The following ATP8A1 variants were observed in gnomAD, a reference collection of about 807,000 sequenced individuals.
The protein encoded by ATP8A1 is phospholipid-transporting ATPase IA.
ATP8A1 carries 90 observed loss-of-function variants against 177.7 expected under a neutral mutation model. The ratio of observed to expected loss-of-function variants is 0.51; its 90% CI spans 0.43 to 0.60. The LOEUF is 0.60. ATP8A1 is among the 20% of genes least tolerant of loss of function. The pLI, the probability that ATP8A1 is intolerant of heterozygous loss-of-function variation, is 0.00. For synonymous variants in ATP8A1, 493 were observed against 485.9 expected (o/e 1.01, Z -0.19); for missense variants, 1,072 against 1,392.8 (o/e 0.77, Z 3.67).
chr4:42,590,882 C>T lies in ATP8A1; in HGVS notation c.453G>A (p.Val151=), dbSNP rs774009159. The change falls in exon 7 of 37, where the codon GTG becomes GTA. Residue 151 remains valine, a splice_region_variant and synonymous_variant. Transcript: ENST00000381668. Reference sequence around the variant, plus strand: ...TCACTTTCACTATCTCCCCTACTGCCACCTACACGTCCCAGTATAAAATAA... The same window carrying T: ...TCACTTTCACTATCTCCCCTACTGCTACCTACACGTCCCAGTATAAAATAA... ...GAWEIVHWEK[V]AVGEIVKVTN... 2.5e-6 allele frequency: 4 copies of T among 1,607,736 alleles called. No homozygotes were observed. The Admixed American group carries it at 5.1e-5, about 20-fold the overall frequency.
rs754102548 is a variant in ATP8A1 at position 42,431,117 on chromosome 4, A to G, written c.3124-7412T>C. ...CCAGAAACTAGAATAGCGCTTTGAC[A>G]TATATTTGTTGAAATATATTATTGA... is the stretch of plus-strand genomic sequence containing the variant. On this transcript the variant is annotated intron_variant, in intron 33 of 36. Transcript: ENST00000381668. Among the ~76,000 whole-genome samples the G allele has an allele frequency of 2.0e-3, 305 of 152,366 alleles. 1 individual carries two copies. Among genetic ancestry groups the G allele is most frequent in the Non-Finnish European group, 2.0e-3 (136 of 68,034 alleles).
At chr4:42,551,481 A>T (rs192101671) in intron 17 of ATP8A1, among the ~76,000 whole-genome samples, 1 of 152,362 alleles carries the variant, frequency 6.6e-6, no homozygotes, top group East Asian at 1.9e-4. Flanking sequence ...TTGGAGACAC[A>T]TACAGAACTC....
At chr4:42,512,696 T>C (rs1352559438) in intron 22 of ATP8A1, among the ~76,000 whole-genome samples, 1 of 152,210 alleles carries the variant, frequency 6.6e-6, no homozygotes, top group African/African-American at 2.4e-5. Context: ...GCCAGAAATC[T>C]AGATGGTGCT....
intron 1 of ATP8A1, among the ~76,000 whole-genome samples, chr4:42,636,125 CA>C (rs1739316628): frequency 1.0e-4 from 3 of 29,474 alleles, no homozygotes; most frequent in Non-Finnish European, 2.4e-4. Context: ...TTAATACACA[CA>C]CACACACACA....
In ATP8A1 at chr4:42,586,488, T is replaced by A. The variant is rs1049357769; in HGVS notation, c.595-12A>T. The stretch of plus-strand genomic sequence containing the variant: ...GTTGCTGGTAAGCCCTGTTTGGAAT[T>A]TTTAAATAAGCAAAAAGTATATTAA... On this transcript the variant is annotated splice_polypyrimidine_tract_variant and intron_variant, in intron 8 of 36. Coordinates refer to ENST00000381668, the MANE Select transcript of ATP8A1 (RefSeq NM_006095.2). 2 of 1,612,152 alleles carry A rather than the reference T, an allele frequency of 1.2e-6. No individual in the cohort carries two copies. The highest frequency in any genetic ancestry group is 1.3e-5 in the African/African-American group (1 of 74,814).
chr4:42,451,350 A>C (rs1717911026), intron 30 of ATP8A1, among the ~76,000 whole-genome samples: 2 of 152,212 alleles, frequency 1.3e-5, no homozygotes, highest in African/African-American at 4.8e-5. Flanking sequence ...TGTCTTCCCG[A>C]GGATCTCAAG....
intron 1 of ATP8A1, among the ~76,000 whole-genome samples, chr4:42,649,003 CAA>C (rs752507746): frequency 8.5e-5 from 13 of 152,208 alleles, no homozygotes; most frequent in Non-Finnish European, 1.6e-4. Context: ...AAATATGTAT[CAA>C]AAGTCATAAA....
chr4:42,636,156 A>ACACGCGCGCGTGCG (rs565139270), intron 1 of ATP8A1, among the ~76,000 whole-genome samples: 4 of 90,898 alleles, frequency 4.4e-5, no homozygotes, highest in African/African-American at 1.3e-4. Flanking sequence ...ACACACACAC[A>ACACGCGCGCGTGCG]CGCACACACA....
chr4:42,657,064 G>T lies in ATP8A1; in HGVS notation c.-191C>A, dbSNP rs935177878. 1.2e-5 allele frequency: 6 copies of T among 483,694 alleles called. No homozygotes were observed. Among genetic ancestry groups the T allele is most frequent in the Non-Finnish European group, 3.3e-6 (1 of 306,338 alleles). 30.0% of individuals were successfully genotyped at this position (483,694 alleles called of 1,614,324 possible). A position where few individuals can be genotyped will look rare whatever the true frequency, so the allele number is the denominator to read the frequency against. On this transcript the variant is annotated 5_prime_UTR_variant, in exon 1 of 37. Transcript: ENST00000381668. ...ACAGGAGGAGGAGAAAGGCAGCGGT[G>T]GCGGCGAAGGTGGCGGCGCCCGCAG... is the stretch of plus-strand genomic sequence containing the variant.
At chr4:42,600,331 G>A (rs963625735) in intron 6 of ATP8A1, 147 bp downstream of exon 6, 4 of 472,406 alleles carry the variant, frequency 8.5e-6, no homozygotes, top group African/African-American at 8.1e-5. Context: ...GAATGTGACT[G>A]AAGATGCCAT....
intron 1 of ATP8A1, among the ~76,000 whole-genome samples, chr4:42,636,160 A>ACGCG (rs150760623): frequency 7.5e-6 from 1 of 132,950 alleles, no homozygotes; most frequent in Non-Finnish European, 1.6e-5. Context: ...ACACACACGC[A>ACGCG]CACACACACA....
At chr4:42,627,187 A>G in intron 1 of ATP8A1, 78 bp from the exon 2 acceptor site, 1 of 1,037,088 alleles carries the variant, frequency 9.6e-7, no homozygotes. Context: ...CTAGTCTAGA[A>G]TATGAAATCT....
At chr4:42,454,455 A>G (rs964803704) in intron 29 of ATP8A1, among the ~76,000 whole-genome samples, 1 of 152,218 alleles carries the variant, frequency 6.6e-6, no homozygotes, top group Non-Finnish European at 1.5e-5. Flanking sequence ...TTAAACAAAA[A>G]CAATTCTGTG....
At chr4:42,581,464 G>A (rs1433049457) in intron 10 of ATP8A1, among the ~76,000 whole-genome samples, 157 bp downstream of exon 10, 2 of 152,134 alleles carry the variant, frequency 1.3e-5, no homozygotes, top group South Asian at 4.1e-4. Flanking sequence ...TAATTTCAAG[G>A]TCCCACTCAC....
intron 25 of ATP8A1, chr4:42,471,712 C>A: frequency 3.7e-6 from 1 of 269,142 alleles, no homozygotes; most frequent in East Asian, 8.5e-5. Flanking sequence ...CAGAAAATAT[C>A]ATCTAGTTAT....
intron 7 of ATP8A1, 115 bp from the exon 8 acceptor site, chr4:42,588,444 A>G (rs1243104185): frequency 1.3e-6 from 1 of 765,680 alleles, no homozygotes; most frequent in African/African-American, 1.8e-5. Context: ...AGTAATAGTT[A>G]CTTAGCTTCT....
intron 5 of ATP8A1, among the ~76,000 whole-genome samples, chr4:42,614,625 C>CAGCG (rs1182486826): frequency 6.6e-6 from 1 of 152,152 alleles, no homozygotes; most frequent in Non-Finnish European, 1.5e-5. Context: ...AAACCTTCAA[C>CAGCG]AGCGACTCAA....
chr4:42,474,282 G>C (rs1720814122), intron 25 of ATP8A1, among the ~76,000 whole-genome samples: 1 of 152,114 alleles, frequency 6.6e-6, no homozygotes. Context: ...GATAATGGAA[G>C]AACACACAGA....
At chr4:42,631,955 C>T (rs79824226) in intron 1 of ATP8A1, among the ~76,000 whole-genome samples, 1,650 of 152,300 alleles carry the variant, frequency 0.011, 27 homozygotes, top group African/African-American at 0.037. Context: ...CAGATATATG[C>T]GCCTTCCTCA....
Sources: allele counts gnomAD v4.1 joint callset (sites outside exome capture counted in the v4.1 genomes callset), GRCh38; gene constraint gnomAD v4.1.1; transcripts MANE v1.5; gene names NCBI Gene and HGNC (gene_info 2026-07-23, HGNC 2026-07-21).